Variants in ZNG1B observed in about 807,000 individuals in gnomAD.
ZNG1B encodes the protein zinc-regulated GTPase metalloprotein activator 1B.
chr2:113,453,887 A>G, the ZNG1B span, among the ~76,000 whole-genome samples: 1 of 151,892 alleles, frequency 6.6e-6, no homozygotes, highest in Non-Finnish European at 1.5e-5. Context: ...TTTCTCTTGA[A>G]GATAAGAATT....
the ZNG1B span, among the ~76,000 whole-genome samples, chr2:113,478,286 T>C: frequency 6.7e-6 from 1 of 149,418 alleles, no homozygotes; most frequent in East Asian, 1.9e-4. Flanking sequence ...TTTTTATTTA[T>C]TTATTTTTTT....
the ZNG1B span, among the ~76,000 whole-genome samples, chr2:113,487,582 G>T: frequency 1.3e-5 from 2 of 151,410 alleles, no homozygotes. Context: ...TTTCTGATTT[G>T]ATGAGTTTTA....
chr2:113,474,130 G>A, the ZNG1B span, among the ~76,000 whole-genome samples: 2 of 151,798 alleles, frequency 1.3e-5, no homozygotes, highest in African/African-American at 4.8e-5. Context: ...ACTCTTTTTG[G>A]TTGGTAAGCT....
the ZNG1B span, among the ~76,000 whole-genome samples, chr2:113,490,204 A>G: frequency 6.6e-6 from 1 of 152,212 alleles, no homozygotes; most frequent in East Asian, 1.9e-4. Context: ...ATCAACTCCA[A>G]AAGGAACCTT....
chr2:113,440,291 A>G, the ZNG1B span, among the ~76,000 whole-genome samples: 1 of 151,956 alleles, frequency 6.6e-6, no homozygotes, highest in African/African-American at 2.4e-5. Context: ...TGAATGAGCT[A>G]TGTCTTAAAG....
chr2:113,492,240 A>G, the ZNG1B span, among the ~76,000 whole-genome samples: 3 of 140,234 alleles, frequency 2.1e-5, no homozygotes, highest in East Asian at 8.4e-4. Context: ...AAGCAACCCA[A>G]ATGCCCATCA....
chr2:113,449,206 A>G, the ZNG1B span, among the ~76,000 whole-genome samples: 3 of 151,990 alleles, frequency 2.0e-5, no homozygotes, highest in Admixed American at 2.0e-4. Context: ...TTGTTTGATC[A>G]TCTATCCAGA....
the ZNG1B span, among the ~76,000 whole-genome samples, chr2:113,450,476 A>G: frequency 6.7e-6 from 1 of 150,174 alleles, no homozygotes; most frequent in Admixed American, 6.7e-5. Flanking sequence ...AAGTTTCTTT[A>G]GCACTACAAA....
the ZNG1B span, among the ~76,000 whole-genome samples, chr2:113,473,726 C>G: frequency 6.8e-6 from 1 of 147,398 alleles, no homozygotes; most frequent in Non-Finnish European, 1.5e-5. Context: ...AAGGCCTTTT[C>G]TGCATCTATT....
chr2:113,451,649 C>G, the ZNG1B span, among the ~76,000 whole-genome samples: 3 of 152,198 alleles, frequency 2.0e-5, no homozygotes, highest in Non-Finnish European at 4.4e-5. Context: ...TTGAGAGCCA[C>G]TGATCAATGT....
At chr2:113,493,100 A>G in the ZNG1B span, among the ~76,000 whole-genome samples, 1 of 132,626 alleles carries the variant, frequency 7.5e-6, no homozygotes, top group Admixed American at 8.3e-5. Context: ...TATTCAATAC[A>G]TGATGATGTC....
the ZNG1B span, chr2:113,481,856 T>A: frequency 3.7e-6 from 1 of 273,038 alleles, no homozygotes; most frequent in Non-Finnish European, 7.0e-6. Flanking sequence ...TTTAAGTTTG[T>A]ATTAAACCTG....
the ZNG1B span, chr2:113,495,162 C>T: frequency 6.7e-7 from 1 of 1,495,734 alleles, no homozygotes; most frequent in African/African-American, 1.5e-5. Flanking sequence ...AGTGATTGTC[C>T]AGGGTGTCCA....
chr2:113,461,586 GA>G, the ZNG1B span, among the ~76,000 whole-genome samples: 31,994 of 150,928 alleles, frequency 0.21, 3,679 homozygotes, highest in East Asian at 0.52. Context: ...AATAATTGAG[GA>G]AAATTGAAAG....
At chr2:113,439,874 ATTTTTTTT>A in the ZNG1B span, among the ~76,000 whole-genome samples, 6 of 68,878 alleles carry the variant, frequency 8.7e-5, no homozygotes, top group African/African-American at 3.0e-4. Context: ...CCTTCCCTTA[ATTTTTTTT>A]TTTTTTTTTT....
the ZNG1B span, among the ~76,000 whole-genome samples, chr2:113,473,324 G>A: frequency 6.8e-6 from 1 of 146,942 alleles, no homozygotes; most frequent in Non-Finnish European, 1.5e-5. Flanking sequence ...TGTGATTTTT[G>A]TACATTGATT....
the ZNG1B span, among the ~76,000 whole-genome samples, chr2:113,472,962 G>A: frequency 2.7e-5 from 4 of 150,466 alleles, no homozygotes; most frequent in African/African-American, 4.9e-5. Flanking sequence ...TTGACTTGGC[G>A]ATGCGGGCTC....
At chr2:113,453,309 G>A in the ZNG1B span, 1 of 1,518,682 alleles carries the variant, frequency 6.6e-7, no homozygotes, top group Middle Eastern at 2.4e-4. Flanking sequence ...ATGGAGTGCA[G>A]TGGCATGATC....
chr2:113,452,685 G>A, the ZNG1B span, among the ~76,000 whole-genome samples: 6 of 116,442 alleles, frequency 5.2e-5, no homozygotes, highest in African/African-American at 1.4e-4. Context: ...TTTTGGGCAA[G>A]TGATTTTGGA....
Sources: gnomAD v4.1 joint callset for allele counts (sites outside exome capture counted in the v4.1 genomes callset) on GRCh38, gnomAD v4.1.1 for gene constraint, MANE v1.5 for transcripts, NCBI Gene and HGNC (gene_info 2026-07-23, HGNC 2026-07-21) for gene names.